The following MAP2K4 variants were observed in gnomAD, a reference collection of about 807,000 sequenced individuals.
MAP2K4 encodes the protein mitogen-activated protein kinase kinase 4.
A neutral mutation model predicts 48.5 loss-of-function variants in MAP2K4; 4 were observed. The ratio of observed to expected loss-of-function variants is 0.08; its 90% CI spans 0.04 to 0.19. The LOEUF is 0.19. MAP2K4 is among the 10% of genes least tolerant of loss of function. The pLI is 1.00. For synonymous variants in MAP2K4, 166 were observed against 173.1 expected (o/e 0.96, Z 0.32); for missense variants, 258 against 493.3 (o/e 0.52, Z 4.52).
At chr17:12,131,288 C>T (rs375239995) in intron 9 of MAP2K4, among the ~76,000 whole-genome samples, 148 of 149,798 alleles carry the variant, frequency 9.9e-4, no homozygotes, top group African/African-American at 3.6e-3. Context: ...CTCAGTTGCC[C>T]AGGCTGGAGT....
chr17:12,057,325 G>A (rs1970310741), intron 2 of MAP2K4, among the ~76,000 whole-genome samples: 1 of 152,206 alleles, frequency 6.6e-6, no homozygotes, highest in Non-Finnish European at 1.5e-5. Flanking sequence ...GGAAGGTTGA[G>A]TGAAGAAGAC....
At chr17:12,034,613 T>G (rs887291527) in intron 1 of MAP2K4, among the ~76,000 whole-genome samples, 1 of 152,186 alleles carries the variant, frequency 6.6e-6, no homozygotes, top group African/African-American at 2.4e-5. Flanking sequence ...GGTACAGAAA[T>G]GAATGGAATA....
At chr17:12,031,021 G>C (rs537682335) in intron 1 of MAP2K4, among the ~76,000 whole-genome samples, 34 of 152,254 alleles carry the variant, frequency 2.2e-4, no homozygotes, top group African/African-American at 7.7e-4. Flanking sequence ...ATACATCTCT[G>C]TTTTTCTTTC....
chr17:12,024,700 G>A lies in MAP2K4; in HGVS notation c.115+3699G>A, dbSNP rs111979875. On this transcript the variant is annotated intron_variant, in intron 1 of 10. Transcript: ENST00000353533. ...AATGTTTCATCAATAATTTGTTAAT[G>A]TAGATAGATTTAATAGGAAAATTTC... Among the ~76,000 whole-genome samples the A allele has an allele frequency of 3.1e-4, 47 of 152,296 alleles. 1 individual carries two copies. Among genetic ancestry groups the A allele is most frequent in the African/African-American group, 1.1e-3 (46 of 41,574 alleles).
At chr17:12,096,295 A>T (rs1417756903) in intron 4 of MAP2K4, among the ~76,000 whole-genome samples, 2 of 151,970 alleles carry the variant, frequency 1.3e-5, no homozygotes, top group East Asian at 1.9e-4. Context: ...TGGTCTCATA[A>T]TCATGTTTCT....
intron 1 of MAP2K4, chr17:12,026,787 C>G (rs1969266674): frequency 6.6e-6 from 1 of 152,248 alleles, no homozygotes. Context: ...AAGCTCCAAG[C>G]AACCAGCCAC....
chr17:12,026,907 TCGATTGGGAATCTCCAAGTAAGTA>T (rs2151506464), intron 1 of MAP2K4: 1 of 152,330 alleles, frequency 6.6e-6, no homozygotes, highest in East Asian at 1.9e-4. Context: ...TGGAGACATT[TCGATTGGGAATCTCCAAGTAAGTA>T]GAAGACTTTA....
At chr17:12,078,728 T>G (rs917979549) in intron 2 of MAP2K4, among the ~76,000 whole-genome samples, 4 of 152,220 alleles carry the variant, frequency 2.6e-5, no homozygotes, top group African/African-American at 7.2e-5. Flanking sequence ...CTGTTTATGT[T>G]CTTTCTTTCC....
intron 2 of MAP2K4, among the ~76,000 whole-genome samples, chr17:12,067,035 T>C (rs1037356568): frequency 3.0e-4 from 45 of 152,050 alleles, no homozygotes; most frequent in Non-Finnish European, 5.9e-5. Context: ...TTGGCCAGGC[T>C]GGTCTTGAAC....
At chr17:12,026,647 T>C (rs1389587008) in intron 1 of MAP2K4, among the ~76,000 whole-genome samples, 1 of 152,236 alleles carries the variant, frequency 6.6e-6, no homozygotes, top group Non-Finnish European at 1.5e-5. Context: ...CTTACTACTC[T>C]ACTGCATGGT....
chr17:12,054,070 G>T (rs2151525601), intron 1 of MAP2K4, among the ~76,000 whole-genome samples: 1 of 152,206 alleles, frequency 6.6e-6, no homozygotes, highest in South Asian at 2.1e-4. Flanking sequence ...GATATAGAAA[G>T]AAATGTTAGT....
intron 3 of MAP2K4, among the ~76,000 whole-genome samples, chr17:12,084,248 A>C (rs1971287426): frequency 6.6e-6 from 1 of 152,232 alleles, no homozygotes; most frequent in Non-Finnish European, 1.5e-5. Flanking sequence ...TTAGTGAGGT[A>C]ACATTGTAAG....
intron 3 of MAP2K4, among the ~76,000 whole-genome samples, chr17:12,086,604 A>G (rs933254041): frequency 3.3e-5 from 5 of 152,202 alleles, no homozygotes; most frequent in Non-Finnish European, 7.3e-5. Context: ...ACCTGCAGCC[A>G]TATTGGAAGC....
chr17:12,055,102 C>G (rs1970245014), intron 2 of MAP2K4, 111 bp downstream of exon 2: 2 of 620,838 alleles, frequency 3.2e-6, no homozygotes, highest in South Asian at 2.5e-5. Flanking sequence ...TGACTAAACT[C>G]TCTGGGAATA....
chr17:12,034,295 C>A (rs931106197), intron 1 of MAP2K4, among the ~76,000 whole-genome samples: 2 of 152,124 alleles, frequency 1.3e-5, no homozygotes, highest in Non-Finnish European at 2.9e-5. Flanking sequence ...GTTTGCAGTG[C>A]GGCCTGCTTT....
At chr17:12,080,377 T>G (rs561974687) in intron 2 of MAP2K4, among the ~76,000 whole-genome samples, 5 of 152,328 alleles carry the variant, frequency 3.3e-5, no homozygotes, top group African/African-American at 1.2e-4. Flanking sequence ...TGATAGTTTG[T>G]TCCTACACAT....
chr17:12,109,463 C>G (rs951924338), intron 5 of MAP2K4, among the ~76,000 whole-genome samples: 10 of 152,170 alleles, frequency 6.6e-5, no homozygotes, highest in African/African-American at 2.4e-4. Context: ...TTTCTTGTAC[C>G]TAGCAGCTTG....
chr17:12,109,847 G>A (rs1972246475), intron 5 of MAP2K4, among the ~76,000 whole-genome samples: 1 of 152,010 alleles, frequency 6.6e-6, no homozygotes, highest in South Asian at 2.1e-4. Context: ...CATTTTAGAG[G>A]CCAGGCACAA....
chr17:12,115,778 CACAT>C, intron 7 of MAP2K4: 1 of 748,030 alleles, frequency 1.3e-6, no homozygotes, highest in Admixed American at 1.7e-5. Flanking sequence ...AGCTGGATTA[CACAT>C]GGCAAGTTCC....
Sources: gnomAD v4.1 joint callset for allele counts (sites outside exome capture counted in the v4.1 genomes callset) on GRCh38, gnomAD v4.1.1 for gene constraint, MANE v1.5 for transcripts, NCBI Gene and HGNC (gene_info 2026-07-23, HGNC 2026-07-21) for gene names.